The following OR56A3 variants were observed in gnomAD, a reference collection of about 807,000 sequenced individuals.
OR56A3 encodes the protein olfactory receptor family 56 subfamily A member 3.
In OR56A3, 23 loss-of-function variants were observed where a neutral mutation model predicts 17.5. The ratio of observed to expected loss-of-function variants is 1.32; its 90% CI spans 0.95 to 1.87. The LOEUF is 1.87. Ranked by LOEUF, OR56A3 falls within the 40% of genes most tolerant of loss-of-function variation. OR56A3 has a pLI of 0.00. For synonymous variants in OR56A3, 175 were observed against 150.6 expected (o/e 1.16, Z -1.19); for missense variants, 366 against 380.1 (o/e 0.96, Z 0.31).
chr11:6,005,785 T>G, the OR56A3 span, among the ~76,000 whole-genome samples: 3 of 152,236 alleles, frequency 2.0e-5, no homozygotes, highest in Non-Finnish European at 4.4e-5. Flanking sequence ...ACCATCTCTT[T>G]TATACAGGTA....
At chr11:5,955,524 T>G (rs1221835156), downstream of OR56A3, among the ~76,000 whole-genome samples, 1 of 152,102 alleles carries the variant, frequency 6.6e-6, no homozygotes, top group East Asian at 1.9e-4. Flanking sequence ...AGAGCAGGAA[T>G]GAAAGGAAGT....
the OR56A3 span, among the ~76,000 whole-genome samples, chr11:6,014,989 C>CAAAAAAAAAAAAAAAAAAAAAAAA: frequency 2.8e-4 from 10 of 35,200 alleles, 3 homozygotes; most frequent in South Asian, 4.1e-3. Flanking sequence ...TATTCATGGG[C>CAAAAAAAAAAAAAAAAAAAAAAAA]AAAAAAAAAA....
chr11:6,003,168 A>G, the OR56A3 span: 2 of 1,488,636 alleles, frequency 1.3e-6, no homozygotes, highest in African/African-American at 1.4e-5. Flanking sequence ...TATTTAACCA[A>G]GTATGTATCA....
chr11:6,019,833 T>C, the OR56A3 span: 1 of 152,140 alleles, frequency 6.6e-6, no homozygotes, highest in South Asian at 2.1e-4. Flanking sequence ...TTAGGCACAG[T>C]ATTCAATTCG....
the OR56A3 span, among the ~76,000 whole-genome samples, chr11:5,977,062 G>T: frequency 1.3e-5 from 2 of 152,172 alleles, no homozygotes; most frequent in African/African-American, 4.8e-5. Flanking sequence ...ATTTATGGCA[G>T]TGTAGTATTC....
chr11:5,971,888 A>G, the OR56A3 span, among the ~76,000 whole-genome samples: 1 of 152,238 alleles, frequency 6.6e-6, no homozygotes, highest in African/African-American at 2.4e-5. Flanking sequence ...GCTCATTACA[A>G]GAAGTAGATA....
chr11:6,003,077 C>G, the OR56A3 span: 22 of 1,607,626 alleles, frequency 1.4e-5, no homozygotes, highest in East Asian at 2.2e-5. Context: ...ACATTCTAGA[C>G]GTAGTAGAGT....
At chr11:5,986,339 C>G in the OR56A3 span, 1 of 1,614,010 alleles carries the variant, frequency 6.2e-7, no homozygotes, top group Non-Finnish European at 8.5e-7. Flanking sequence ...GCCATATGTT[C>G]ACAATAGGCA....
intron 1 of OR56A3, chr11:5,943,314 A>G (rs2134359506): frequency 6.6e-6 from 1 of 152,310 alleles, no homozygotes; most frequent in African/African-American, 2.4e-5. Flanking sequence ...GACAGAAAAT[A>G]TACTTTTTCC....
the OR56A3 span, chr11:6,016,979 A>T: frequency 6.6e-6 from 1 of 152,050 alleles, no homozygotes; most frequent in Non-Finnish European, 1.5e-5. Flanking sequence ...GACCAAAAAA[A>T]ATAATAATAT....
the OR56A3 span, chr11:5,994,778 T>C: frequency 2.6e-6 from 2 of 758,632 alleles, no homozygotes; most frequent in Non-Finnish European, 4.8e-6. Context: ...GGTCTTGAAG[T>C]AATGTCCCCA....
chr11:5,985,529 A>G, the OR56A3 span, among the ~76,000 whole-genome samples: 2 of 152,220 alleles, frequency 1.3e-5, no homozygotes, highest in Non-Finnish European at 2.9e-5. Context: ...TGGGGATCCC[A>G]GCACTAACTT....
At chr11:6,021,434 G>C in the OR56A3 span, 1 of 152,072 alleles carries the variant, frequency 6.6e-6, no homozygotes, top group Non-Finnish European at 1.5e-5. Flanking sequence ...ATAAATGTTT[G>C]AGATGATGGA....
the OR56A3 span, among the ~76,000 whole-genome samples, chr11:5,966,097 G>A: frequency 2.6e-5 from 4 of 151,696 alleles, no homozygotes; most frequent in Non-Finnish European, 4.4e-5. Context: ...TGGGCCAGTC[G>A]TGGTGACTCA....
the OR56A3 span, chr11:6,003,052 A>T: frequency 1.9e-6 from 3 of 1,613,904 alleles, no homozygotes; most frequent in Non-Finnish European, 2.5e-6. Flanking sequence ...AGAGAAGTAC[A>T]GAAACATAAA....
chr11:5,994,876 C>T, the OR56A3 span: 24 of 758,310 alleles, frequency 3.2e-5, no homozygotes, highest in Admixed American at 1.0e-4. Context: ...TCACTCTGTC[C>T]GGGTAGGAGG....
chr11:6,005,431 G>A, the OR56A3 span, among the ~76,000 whole-genome samples: 61,528 of 152,010 alleles, frequency 0.4, 12,970 homozygotes, highest in East Asian at 0.51. Context: ...AGAGTAGAGT[G>A]TCAAAAGATG....
At chr11:5,994,238 C>T in the OR56A3 span, 3 of 552,176 alleles carry the variant, frequency 5.4e-6, no homozygotes, top group Non-Finnish European at 1.0e-5. Context: ...CTCATCCAGT[C>T]CAGGTCTATC....
the OR56A3 span, among the ~76,000 whole-genome samples, chr11:5,993,551 T>G: frequency 6.6e-6 from 1 of 152,184 alleles, no homozygotes; most frequent in Admixed American, 6.5e-5. Flanking sequence ...AAGGTGAGAA[T>G]TAAATGTAAA....
Sources: allele counts gnomAD v4.1 joint callset (sites outside exome capture counted in the v4.1 genomes callset), GRCh38; gene constraint gnomAD v4.1.1; transcripts MANE v1.5; gene names NCBI Gene and HGNC (gene_info 2026-07-23, HGNC 2026-07-21).